BMPER: variants seen among roughly 807,000 people sequenced by gnomAD.
The protein encoded by BMPER is BMP-binding endothelial regulator protein.
A neutral mutation model predicts 87.3 loss-of-function variants in BMPER; 45 were observed. The observed-to-expected ratio is 0.52, with a 90% CI of 0.41 to 0.66. The LOEUF is 0.66. Ranked by LOEUF, BMPER falls within the 30% of genes least tolerant of loss-of-function variation. The pLI is 0.00. For missense variants in BMPER, 784 were observed against 867.5 expected, an observed-to-expected ratio of 0.90 and a Z score of 1.21; for synonymous variants, 326 against 316.2, an observed-to-expected ratio of 1.03 and a Z score of -0.33.
chr7:33,970,072 A>G (rs1010787524), intron 4 of BMPER, among the ~76,000 whole-genome samples: 1 of 152,242 alleles, frequency 6.6e-6, no homozygotes, highest in Non-Finnish European at 1.5e-5. Context: ...TAGATTTAAA[A>G]GGAAGCAAGA....
chr7:33,929,543 T>C (rs1784433973), intron 2 of BMPER, among the ~76,000 whole-genome samples: 1 of 152,172 alleles, frequency 6.6e-6, no homozygotes, highest in Admixed American at 6.5e-5. Flanking sequence ...AATGGGGTGC[T>C]CAACAAAGGC....
At chr7:34,078,760 C>T in intron 11 of BMPER, 97 bp from the exon 12 acceptor site, 1 of 1,288,752 alleles carries the variant, frequency 7.8e-7, no homozygotes. Context: ...TAGTGCATTT[C>T]TGCTAAGGCT....
intron 12 of BMPER, among the ~76,000 whole-genome samples, chr7:34,083,187 T>C (rs1789100807): frequency 6.6e-6 from 1 of 152,200 alleles, no homozygotes; most frequent in African/African-American, 2.4e-5. Flanking sequence ...TATAACGTGT[T>C]GGATGATAGG....
rs113240345 is a variant in BMPER, at chr7:34,057,831, AAC to A, written c.928-202_928-201del. Among the ~76,000 whole-genome samples, 4,034 of 148,174 alleles carry A rather than the reference AAC, an allele frequency of 0.027. 172 individuals are homozygous for A. Among genetic ancestry groups the A allele is most frequent in the African/African-American group, 0.089 (3,636 of 40,644 alleles). ...AATTATTTTTATATCCAGGAGGGGG[AAC>A]ACACACACACACACACACACACACA... On this transcript the variant is annotated intron_variant, in intron 9 of 14. Coordinates refer to ENST00000649409, the MANE Select transcript of BMPER (RefSeq NM_001365308.1).
At chr7:34,080,873 C>G (rs185402945) in intron 12 of BMPER, among the ~76,000 whole-genome samples, 3 of 151,862 alleles carry the variant, frequency 2.0e-5, no homozygotes, top group East Asian at 3.9e-4. Flanking sequence ...GTACTCTTTA[C>G]AAAGATTCCA....
chr7:33,939,672 C>T (rs1470342220), intron 3 of BMPER, among the ~76,000 whole-genome samples: 4 of 152,186 alleles, frequency 2.6e-5, no homozygotes, highest in Admixed American at 6.5e-5. Flanking sequence ...ATAAGGGGCT[C>T]TTCCCCCTTT....
intron 3 of BMPER, among the ~76,000 whole-genome samples, chr7:33,958,271 C>T (rs73110392): frequency 0.026 from 4,033 of 152,290 alleles, 82 homozygotes; most frequent in Middle Eastern, 0.068. Context: ...TTGCTCAGGG[C>T]TGAATCCCAT....
chr7:34,151,291 A>G (rs578018149), intron 14 of BMPER, among the ~76,000 whole-genome samples: 1 of 152,308 alleles, frequency 6.6e-6, no homozygotes, highest in African/African-American at 2.4e-5. Flanking sequence ...TGGCTTTCAT[A>G]TCTAATGCTC....
At position 34,040,074 on chromosome 7, in the gene BMPER, A is replaced by T. The variant is rs35551083; in HGVS notation, c.577-6232A>T. Reference sequence around the variant, plus strand: ...ATGGGATGAGAGTAGAATTATTAAAACTTAGAGGAGGGGCTATGTGGAGCT... The same window carrying T: ...ATGGGATGAGAGTAGAATTATTAAATCTTAGAGGAGGGGCTATGTGGAGCT... On this transcript the variant is annotated intron_variant, in intron 6 of 14. Transcript: ENST00000649409. Among the ~76,000 whole-genome samples the T allele has an allele frequency of 4.6e-3, 701 of 152,126 alleles. 6 individuals are homozygous for T. Among genetic ancestry groups the T allele is most frequent in the Non-Finnish European group, 6.5e-3 (445 of 67,996 alleles).
chr7:34,054,849 G>A (rs1788240099), intron 8 of BMPER, among the ~76,000 whole-genome samples: 1 of 152,174 alleles, frequency 6.6e-6, no homozygotes, highest in African/African-American at 2.4e-5. Context: ...GGAAACTGGT[G>A]GTTCGTGGGG....
chr7:34,100,901 C>T (rs1420335), intron 13 of BMPER, among the ~76,000 whole-genome samples: 89,860 of 151,934 alleles, frequency 0.59, 28,019 homozygotes, highest in Admixed American at 0.74. Flanking sequence ...GCACACATTC[C>T]GTAATGTCAC....
Position 33,918,759 on chromosome 7 carries a change from A to G in BMPER, c.219+11856A>G, listed in dbSNP as rs182744824. Among the ~76,000 whole-genome samples, 13 of 152,330 alleles carry G rather than the reference A, an allele frequency of 8.5e-5. No individual in the cohort carries two copies. The East Asian group carries it at 2.3e-3, about 27-fold the overall frequency. On this transcript the variant is annotated intron_variant, in intron 2 of 14. Coordinates refer to ENST00000649409, the MANE Select transcript of BMPER (RefSeq NM_001365308.1). ...GTGGTAATTTCCTGTTTTCAAGCACATGTGAAACAATGATTCTGGTGCCCA... is the reference window on the plus strand; with the variant it reads ...GTGGTAATTTCCTGTTTTCAAGCACGTGTGAAACAATGATTCTGGTGCCCA...
intron 2 of BMPER, among the ~76,000 whole-genome samples, chr7:33,931,654 T>G (rs969549866): frequency 1.3e-5 from 2 of 152,154 alleles, no homozygotes; most frequent in African/African-American, 4.8e-5. Flanking sequence ...ACTTCATACA[T>G]AGAGAGACTA....
chr7:33,911,053 G>A (rs147562565), intron 2 of BMPER, among the ~76,000 whole-genome samples: 200 of 152,348 alleles, frequency 1.3e-3, no homozygotes, highest in Non-Finnish European at 2.3e-3. Flanking sequence ...GAGAGGTACT[G>A]CACTCAGTAT....
chr7:34,155,267 T>C lies in BMPER; in HGVS notation c.*1994T>C, dbSNP rs575123694. On this transcript the variant is annotated 3_prime_UTR_variant, in exon 15 of 15. Transcript: ENST00000649409. ...CGAACAGATTCCTTAAGATTAGCTT[T>C]AAATCCCTTTTCAGTTCACTGTTGG... 10 of 152,340 alleles carry C rather than the reference T, an allele frequency of 6.6e-5. No homozygotes were observed. The highest frequency in any genetic ancestry group is 9.6e-5 in the African/African-American group (4 of 41,580). 9.4% of individuals were successfully genotyped at this position (152,340 alleles called of 1,614,324 possible). A position where few individuals can be genotyped will look rare whatever the true frequency, so the allele number is the denominator to read the frequency against.
At chr7:34,044,465 C>T (rs1275026630) in intron 6 of BMPER, among the ~76,000 whole-genome samples, 1 of 152,184 alleles carries the variant, frequency 6.6e-6, no homozygotes, top group Non-Finnish European at 1.5e-5. Context: ...AAGTTGCTTG[C>T]AGATGAATTT....
chr7:34,057,992 T>A, intron 9 of BMPER, 67 bp from the exon 10 acceptor site: 1 of 1,403,660 alleles, frequency 7.1e-7, no homozygotes, highest in Non-Finnish European at 1.0e-6. Flanking sequence ...ATGGAGAGGT[T>A]ACAGTCTGTT....
intron 6 of BMPER, among the ~76,000 whole-genome samples, chr7:34,019,487 C>T (rs1787123635): frequency 6.6e-6 from 1 of 152,028 alleles, no homozygotes; most frequent in African/African-American, 2.4e-5. Context: ...AACCTCAATA[C>T]AGTCCTTGGA....
At chr7:34,143,171 T>G in intron 13 of BMPER, 59 bp from the exon 14 acceptor site, 2 of 1,604,894 alleles carry the variant, frequency 1.2e-6, no homozygotes, top group Non-Finnish European at 1.7e-6. Context: ...GAAGTTATAT[T>G]TAGGGTGTTT....
Sources: allele counts gnomAD v4.1 joint callset (sites outside exome capture counted in the v4.1 genomes callset), GRCh38; gene constraint gnomAD v4.1.1; transcripts MANE v1.5; gene names NCBI Gene and HGNC (gene_info 2026-07-23, HGNC 2026-07-21).